The following BRSK2 variants were observed in gnomAD, a reference collection of about 807,000 sequenced individuals.
The protein encoded by BRSK2 is serine/threonine-protein kinase BRSK2.
Under a neutral mutation model 83.3 loss-of-function variants are expected in BRSK2, and 19 were observed. That is an observed-to-expected ratio of 0.23 (90% CI 0.16 to 0.33). The LOEUF (loss-of-function observed/expected upper bound fraction) is 0.33. Ranked by LOEUF, BRSK2 falls within the 10% of genes least tolerant of loss-of-function variation. The pLI, the probability that BRSK2 is intolerant of heterozygous loss-of-function variation, is 1.00. For missense variants in BRSK2, 798 were observed against 1,042.3 expected, an observed-to-expected ratio of 0.77 and a Z score of 3.23; for synonymous variants, 519 against 435.4, an observed-to-expected ratio of 1.19 and a Z score of -2.39.
Position 1,460,784 on chromosome 11 carries a change from G to T in BRSK2, c.*61G>T, listed in dbSNP as rs12291300. Reference sequence around the variant, plus strand: ...GCGGCTGCCTCGCCGCCCGCCGCCCGCCCTGCCCCGAGTGGACCCGCGGCC... The same window carrying T: ...GCGGCTGCCTCGCCGCCCGCCGCCCTCCCTGCCCCGAGTGGACCCGCGGCC... On this transcript the variant is annotated 3_prime_UTR_variant, in exon 20 of 20. Transcript: ENST00000528841. 2 of 1,404,666 alleles carry T rather than the reference G, an allele frequency of 1.4e-6. No homozygotes were observed. Among genetic ancestry groups the T allele is most frequent in the Non-Finnish European group, 1.8e-6 (2 of 1,088,594 alleles). The allele number at this position is 1,404,666 out of a possible 1,614,324, so 87.0% of individuals were successfully genotyped here.
intron 15 of BRSK2, among the ~76,000 whole-genome samples, chr11:1,452,574 C>T (rs1845928828): frequency 6.6e-6 from 1 of 152,240 alleles, no homozygotes; most frequent in Non-Finnish European, 1.5e-5. Flanking sequence ...GCCCTGACCC[C>T]TCTCAAGGGT....
Position 1,461,502 on chromosome 11 carries a change from C to A in BRSK2, c.*779C>A, listed in dbSNP as rs762147243. The A allele has an allele frequency of 3.6e-5, 7 of 192,468 alleles. No individual in the cohort carries two copies. Among genetic ancestry groups the A allele is most frequent in the South Asian group, 1.0e-4 (1 of 9,816 alleles). 11.9% of individuals were successfully genotyped at this position (192,468 alleles called of 1,614,324 possible). On this transcript the variant is annotated 3_prime_UTR_variant, in exon 20 of 20. Transcript: ENST00000528841. ...CAGAGACACCCTGCGGCACCAGAGC[C>A]TTCCCAGCAGGCCAGGCCGCTGGGC...
chr11:1,422,343 G>A (rs926435687), intron 1 of BRSK2, among the ~76,000 whole-genome samples: 5 of 152,158 alleles, frequency 3.3e-5, no homozygotes, highest in South Asian at 2.1e-4. Flanking sequence ...CCTGTCTGCC[G>A]TGTGCCACCC....
chr11:1,416,938 A>G (rs1475838645), intron 1 of BRSK2, among the ~76,000 whole-genome samples: 1 of 152,172 alleles, frequency 6.6e-6, no homozygotes, highest in Non-Finnish European at 1.5e-5. Flanking sequence ...AGGAGGGCGG[A>G]TCACGAGGTC....
In BRSK2 at chr11:1,450,461, C is replaced by T. The variant is rs544557082; in HGVS notation, c.1288-126C>T. On this transcript the variant is annotated intron_variant, in intron 13 of 19. Transcript: ENST00000528841. ...CCCCTTCCCGGCCAGCACCCCAGCC[C>T]GGCCTCCCGCCACTGGCCTTTGTCC... 1.8e-3 allele frequency: 1,035 copies of T among 587,928 alleles called. 14 individuals carry two copies. Among genetic ancestry groups the T allele is most frequent in the African/African-American group, 0.017 (899 of 51,534 alleles). 36.4% of individuals were successfully genotyped at this position (587,928 alleles called of 1,614,324 possible).
At chr11:1,408,702 GGTGT>G (rs1247179733) in intron 1 of BRSK2, among the ~76,000 whole-genome samples, 1 of 152,000 alleles carries the variant, frequency 6.6e-6, no homozygotes, top group Non-Finnish European at 1.5e-5. Context: ...AGTCAGGTGG[GGTGT>G]GTGTGTGTGC....
At chr11:1,394,116 G>T (rs1306605844) in intron 1 of BRSK2, among the ~76,000 whole-genome samples, 1 of 135,804 alleles carries the variant, frequency 7.4e-6, no homozygotes, top group African/African-American at 2.9e-5. Flanking sequence ...ATGGAGATGG[G>T]TCCTGGAGAT....
Position 1,443,416 on chromosome 11 carries a change from C to A in BRSK2, c.633+13C>A. The A allele has an allele frequency of 6.3e-7, 1 of 1,595,136 alleles. No homozygotes were observed. The highest frequency in any genetic ancestry group is 8.5e-7 in the Non-Finnish European group (1 of 1,171,504). On this transcript the variant is annotated intron_variant, in intron 7 of 19. Coordinates refer to ENST00000528841, the MANE Select transcript of BRSK2 (RefSeq NM_001256627.2). ...CGCCTTGCTGGTGGTGAGACCCTGG[C>A]CCCCTCAACCCTGCCCTGGCCTCTC...
chr11:1,448,866 T>C (rs1427622223), intron 12 of BRSK2, among the ~76,000 whole-genome samples: 1 of 152,238 alleles, frequency 6.6e-6, no homozygotes, highest in Non-Finnish European at 1.5e-5. Flanking sequence ...CGTGGCACTC[T>C]CCACGGTCCG....
intron 1 of BRSK2, among the ~76,000 whole-genome samples, chr11:1,397,693 T>C (rs911369349): frequency 3.9e-5 from 6 of 152,190 alleles, no homozygotes; most frequent in Non-Finnish European, 7.4e-5. Flanking sequence ...ATGCTCCTCG[T>C]TGGGTGCCAC....
chr11:1,439,229 C>A (rs1272561905), intron 3 of BRSK2, among the ~76,000 whole-genome samples: 1 of 152,072 alleles, frequency 6.6e-6, no homozygotes, highest in African/African-American at 2.4e-5. Flanking sequence ...CTGAACCCAG[C>A]AGCTCCCCTT....
At chr11:1,443,827 G>C (rs117024335) in intron 8 of BRSK2, among the ~76,000 whole-genome samples, 192 bp downstream of exon 8, 3,995 of 151,982 alleles carry the variant, frequency 0.026, 62 homozygotes, top group Non-Finnish European at 0.033. Context: ...TGGGCCCATG[G>C]CCGTGTGTGG....
rs1258271072 is a variant in BRSK2 at position 1,461,837 on chromosome 11, T to A, written c.*1114T>A. Reference sequence around the variant, plus strand: ...TGTTTTAGTCCCTTGCTCCTGCTTCTTTCTACACACACATCTAAAGACGGT... The same window carrying A: ...TGTTTTAGTCCCTTGCTCCTGCTTCATTCTACACACACATCTAAAGACGGT... On this transcript the variant is annotated 3_prime_UTR_variant, in exon 20 of 20. Coordinates refer to ENST00000528841, the MANE Select transcript of BRSK2 (RefSeq NM_001256627.2). 5 of 152,340 alleles carry A rather than the reference T, an allele frequency of 3.3e-5. No homozygotes were observed. The East Asian group carries it at 9.7e-4, about 29-fold the overall frequency. 9.4% of individuals were successfully genotyped at this position (152,340 alleles called of 1,614,324 possible).
At chr11:1,396,217 G>C (rs577298310) in intron 1 of BRSK2, among the ~76,000 whole-genome samples, 321 of 97,908 alleles carry the variant, frequency 3.3e-3, no homozygotes, top group Admixed American at 9.1e-3. Context: ...CCCCACTCCT[G>C]GTCCCTCTTC....
chr11:1,436,250 G>GGT, intron 2 of BRSK2, 116 bp downstream of exon 2: 1 of 168,876 alleles, frequency 5.9e-6, no homozygotes, highest in Non-Finnish European at 9.5e-6. Flanking sequence ...GGGGGGGCGG[G>GGT]CCCTGCAGGC....
At position 1,413,903 on chromosome 11, in the gene BRSK2, C is replaced by T. The variant is rs377618894; in HGVS notation, c.92-22137C>T. Among the ~76,000 whole-genome samples the T allele has an allele frequency of 5.0e-4, 76 of 152,268 alleles. 1 individual carries two copies. In the East Asian group the frequency reaches 6.8e-3, roughly 14 times the overall value. On this transcript the variant is annotated intron_variant, in intron 1 of 19. Coordinates refer to ENST00000528841, the MANE Select transcript of BRSK2 (RefSeq NM_001256627.2). ...GCTGCACAGTGGTGGGCAGCCACAGCGCCCAGCTCTGCCTTCTGCCCCGAG... is the reference window on the plus strand; with the variant it reads ...GCTGCACAGTGGTGGGCAGCCACAGTGCCCAGCTCTGCCTTCTGCCCCGAG...
rs1847380232 is a variant in BRSK2 at position 1,460,732 on chromosome 11, G to GGC, written c.*9_*10insGC. 9.2e-7 allele frequency: 1 copy of GGC among 1,091,376 alleles called. No individual in the cohort carries two copies. Among genetic ancestry groups the GGC allele is most frequent in the Non-Finnish European group, 1.2e-6 (1 of 828,988 alleles). The allele number at this position is 1,091,376 out of a possible 1,614,324, so 67.6% of individuals were successfully genotyped here. ...GCCGCGAGCAGCCTTAGACACACTA[G>GGC]CCCCCCCCCCCAGCACAGCACTGAC... is the stretch of plus-strand genomic sequence containing the variant. On this transcript the variant is annotated 3_prime_UTR_variant, in exon 20 of 20. Transcript: ENST00000528841.
At chr11:1,411,586 A>G (rs1321477629) in intron 1 of BRSK2, 3 of 1,581,230 alleles carry the variant, frequency 1.9e-6, no homozygotes, top group African/African-American at 1.3e-5. Flanking sequence ...CCGCACCTCC[A>G]CCTTCCTCAA....
At chr11:1,411,766 G>A in intron 1 of BRSK2, 1 of 1,318,712 alleles carries the variant, frequency 7.6e-7, no homozygotes, top group Non-Finnish European at 1.0e-6. Flanking sequence ...GGGAGGGCCA[G>A]CTGTGCGGGT....
Sources: allele counts gnomAD v4.1 joint callset (sites outside exome capture counted in the v4.1 genomes callset), GRCh38; gene constraint gnomAD v4.1.1; transcripts MANE v1.5; gene names NCBI Gene and HGNC (gene_info 2026-07-23, HGNC 2026-07-21).